ZBTB38: variants seen among roughly 807,000 people sequenced by gnomAD.
ZBTB38 encodes the protein zinc finger and BTB domain-containing protein 38.
A neutral mutation model predicts 76.8 loss-of-function variants in ZBTB38; 20 were observed. That is an observed-to-expected ratio of 0.26 (90% CI 0.18 to 0.38). The LOEUF is 0.38. Among genes scored for constraint, ZBTB38 ranks in the 10% least tolerant of loss-of-function variants. The pLI is 1.00. For synonymous variants in ZBTB38, 504 were observed against 544.2 expected, an observed-to-expected ratio of 0.93 and a Z score of 1.03; for missense variants, 1,082 against 1,482.3, an observed-to-expected ratio of 0.73 and a Z score of 4.43.
At chr3:141,324,638 C>T (rs1339483102) in intron 1 of ZBTB38, among the ~76,000 whole-genome samples, 3 of 151,996 alleles carry the variant, frequency 2.0e-5, no homozygotes, top group Admixed American at 2.0e-4. Flanking sequence ...CAGCATCTAG[C>T]GTAGTGCCTA....
At chr3:141,349,568 C>T (rs1943460876) in intron 1 of ZBTB38, among the ~76,000 whole-genome samples, 1 of 151,878 alleles carries the variant, frequency 6.6e-6, no homozygotes, top group Non-Finnish European at 1.5e-5. Flanking sequence ...AAGAATACAA[C>T]ACGATACAAA....
chr3:141,446,672 T>C lies in ZBTB38; in HGVS notation c.*696T>C, dbSNP rs948598680. ...TAGATCTGCAAATAATGAGGACTGA[T>C]GTAAAAATCAATAGAAAGCATTTTG... On this transcript the variant is annotated 3_prime_UTR_variant, in exon 6 of 6. Coordinates refer to ENST00000321464, the MANE Select transcript of ZBTB38 (RefSeq NM_001376113.1). The C allele has an allele frequency of 1.3e-5, 2 of 152,786 alleles. No homozygotes were observed. Among genetic ancestry groups the C allele is most frequent in the South Asian group, 4.1e-4 (2 of 4,826 alleles). The allele number at this position is 152,786 out of a possible 1,614,324, so 9.5% of individuals were successfully genotyped here.
chr3:141,340,623 C>T (rs1198673026), intron 1 of ZBTB38, among the ~76,000 whole-genome samples: 9 of 152,066 alleles, frequency 5.9e-5, no homozygotes, highest in African/African-American at 9.7e-5. Context: ...GTTGGCCGGG[C>T]GTGGTGGCTC....
At chr3:141,432,264 C>A in intron 5 of ZBTB38, 1 of 985,334 alleles carries the variant, frequency 1.0e-6, no homozygotes. Flanking sequence ...TAATACAGTG[C>A]GTTCTTTTTT....
chr3:141,365,790 T>TA (rs371816032), upstream of ZBTB38, among the ~76,000 whole-genome samples: 35 of 151,180 alleles, frequency 2.3e-4, no homozygotes, highest in African/African-American at 2.7e-4. Flanking sequence ...CAAAAAGTGT[T>TA]AAAAAAAAAT....
intron 3 of ZBTB38, chr3:141,384,743 G>A (rs1487932731): frequency 2.0e-5 from 3 of 152,280 alleles, no homozygotes; most frequent in Non-Finnish European, 4.4e-5. Flanking sequence ...CAATGATGTG[G>A]GGGTGGGGAA....
intron 2 of ZBTB38, among the ~76,000 whole-genome samples, chr3:141,370,545 A>G (rs1012642526): frequency 6.6e-6 from 1 of 152,234 alleles, no homozygotes; most frequent in Non-Finnish European, 1.5e-5. Flanking sequence ...ACTCAAGGAT[A>G]AAGTTGCATA....
chr3:141,434,759 A>C (rs943626450), intron 5 of ZBTB38, among the ~76,000 whole-genome samples: 26 of 152,044 alleles, frequency 1.7e-4, no homozygotes, highest in Non-Finnish European at 1.3e-4. Flanking sequence ...TAATTCTTAA[A>C]AGTACTTTAC....
At chr3:141,385,291 A>T (rs898785455) in intron 3 of ZBTB38, among the ~76,000 whole-genome samples, 1 of 147,074 alleles carries the variant, frequency 6.8e-6, no homozygotes, top group Non-Finnish European at 1.5e-5. Context: ...ATTCAAAATC[A>T]GTCTCAGCAT....
At chr3:141,327,913 T>C (rs1054848069) in intron 1 of ZBTB38, among the ~76,000 whole-genome samples, 1 of 152,350 alleles carries the variant, frequency 6.6e-6, no homozygotes, top group African/African-American at 2.4e-5. Context: ...AGACTCTGTG[T>C]CTTCCAATCT....
intron 4 of ZBTB38, among the ~76,000 whole-genome samples, chr3:141,403,429 G>T (rs1953077530): frequency 6.6e-6 from 1 of 152,170 alleles, no homozygotes; most frequent in Non-Finnish European, 1.5e-5. Flanking sequence ...AGTTTAGCGG[G>T]TTGCTACTGG....
intron 5 of ZBTB38, among the ~76,000 whole-genome samples, chr3:141,415,072 A>G (rs1428991146): frequency 2.0e-5 from 3 of 150,192 alleles, no homozygotes; most frequent in Non-Finnish European, 4.5e-5. Context: ...CATCATCATC[A>G]TCTTCTCCAT....
At chr3:141,411,273 G>A (rs184783716) in intron 5 of ZBTB38, among the ~76,000 whole-genome samples, 2 of 152,316 alleles carry the variant, frequency 1.3e-5, no homozygotes, top group African/African-American at 4.8e-5. Context: ...ATAGCACAGT[G>A]ATTGGCTCCT....
At chr3:141,370,971 C>T (rs1944467849) in intron 2 of ZBTB38, among the ~76,000 whole-genome samples, 2 of 151,120 alleles carry the variant, frequency 1.3e-5, no homozygotes, top group South Asian at 4.2e-4. Context: ...GACATTTGAT[C>T]AGGGTGAAAA....
chr3:141,433,764 G>A (rs2078135254), intron 5 of ZBTB38, among the ~76,000 whole-genome samples: 1 of 152,194 alleles, frequency 6.6e-6, no homozygotes, highest in African/African-American at 2.4e-5. Flanking sequence ...TGTTTTAGTT[G>A]AAGTATATAA....
At chr3:141,333,132 A>AGGCC (rs1326280035) in intron 1 of ZBTB38, among the ~76,000 whole-genome samples, 1 of 152,216 alleles carries the variant, frequency 6.6e-6, no homozygotes, top group Non-Finnish European at 1.5e-5. Flanking sequence ...AATCCTTAGC[A>AGGCC]GGCCTTTGAG....
intron 5 of ZBTB38, among the ~76,000 whole-genome samples, chr3:141,424,539 AAAT>A (rs2076028961): frequency 6.6e-6 from 1 of 152,174 alleles, no homozygotes. Context: ...TAAAAATAAA[AAAT>A]AATAATTCCT....
intron 5 of ZBTB38, among the ~76,000 whole-genome samples, chr3:141,429,094 A>T (rs755192382): frequency 4.6e-5 from 7 of 152,176 alleles, no homozygotes; most frequent in Admixed American, 1.3e-4. Flanking sequence ...TGGTACTCTT[A>T]TGGGGCTTAC....
intron 1 of ZBTB38, among the ~76,000 whole-genome samples, chr3:141,327,531 G>T (rs976636984): frequency 6.6e-6 from 1 of 152,164 alleles, no homozygotes; most frequent in Non-Finnish European, 1.5e-5. Context: ...GGGTCATCAA[G>T]AAAACAAGGA....
Sources: gnomAD v4.1 joint callset for allele counts (sites outside exome capture counted in the v4.1 genomes callset) on GRCh38, gnomAD v4.1.1 for gene constraint, MANE v1.5 for transcripts, NCBI Gene and HGNC (gene_info 2026-07-23, HGNC 2026-07-21) for gene names.